HHAT: variants seen among roughly 807,000 people sequenced by gnomAD.
HHAT encodes the protein protein-cysteine N-palmitoyltransferase HHAT.
In HHAT, 47 loss-of-function variants were observed where a neutral mutation model predicts 70.8. That is an observed-to-expected ratio of 0.66 (90% confidence interval 0.53 to 0.85). HHAT has a LOEUF of 0.85. HHAT is among the 40% of genes least tolerant of loss of function. The pLI is 0.00. For missense variants in HHAT, 609 were observed against 604.8 expected (o/e 1.01, Z -0.07); for synonymous variants, 228 against 247.6 (o/e 0.92, Z 0.74).
At chr1:210,668,082 C>T (rs538841791) in intron 11 of HHAT, among the ~76,000 whole-genome samples, 108 of 152,154 alleles carry the variant, frequency 7.1e-4, no homozygotes, top group Non-Finnish European at 8.1e-4. Context: ...CTTTTGTGTC[C>T]GGCTTATTTT....
intron 1 of HHAT, among the ~76,000 whole-genome samples, chr1:210,336,767 A>G (rs1030837530): frequency 6.1e-5 from 9 of 148,174 alleles, no homozygotes; most frequent in African/African-American, 2.4e-4. Context: ...TGGGTGACAG[A>G]GTGAGACCCT....
intron 11 of HHAT, among the ~76,000 whole-genome samples, chr1:210,626,241 C>A (rs575064067): frequency 4.5e-4 from 69 of 152,272 alleles, no homozygotes; most frequent in African/African-American, 1.6e-3. Context: ...TGTGACTTGC[C>A]TGACATCCTA....
At chr1:210,352,539 C>CA (rs975622743) in intron 2 of HHAT, among the ~76,000 whole-genome samples, 1 of 152,122 alleles carries the variant, frequency 6.6e-6, no homozygotes, top group African/African-American at 2.4e-5. Flanking sequence ...ACTAGAGGCT[C>CA]CAAGTGTATT....
At chr1:210,669,507 C>G (rs905635746) in intron 11 of HHAT, among the ~76,000 whole-genome samples, 4 of 152,190 alleles carry the variant, frequency 2.6e-5, no homozygotes, top group African/African-American at 9.7e-5. Flanking sequence ...ATCTATTGTG[C>G]CATACATCCT....
intron 9 of HHAT, among the ~76,000 whole-genome samples, chr1:210,584,616 A>C (rs1660025488): frequency 6.6e-6 from 1 of 152,086 alleles, no homozygotes; most frequent in Admixed American, 6.5e-5. Flanking sequence ...CTTGTCATCC[A>C]ACCCCTCGTT....
At chr1:210,657,425 G>C (rs891061357) in intron 11 of HHAT, among the ~76,000 whole-genome samples, 8 of 152,308 alleles carry the variant, frequency 5.3e-5, no homozygotes, top group African/African-American at 1.7e-4. Flanking sequence ...GAGAACAAAG[G>C]CATCTTTGAC....
At chr1:210,414,920 A>T (rs1199797823) in intron 6 of HHAT, among the ~76,000 whole-genome samples, 1 of 152,164 alleles carries the variant, frequency 6.6e-6, no homozygotes, top group Non-Finnish European at 1.5e-5. Flanking sequence ...TGGGAGGCTA[A>T]GGCACAGAAA....
intron 10 of HHAT, chr1:210,590,499 G>A (rs924984900): frequency 8.9e-6 from 1 of 112,368 alleles, no homozygotes; most frequent in Non-Finnish European, 1.6e-5. Flanking sequence ...TTTGTAGGCT[G>A]AGAAATTCAG....
intron 9 of HHAT, among the ~76,000 whole-genome samples, chr1:210,544,167 G>T (rs1231808090): frequency 6.6e-6 from 1 of 152,142 alleles, no homozygotes; most frequent in Non-Finnish European, 1.5e-5. Context: ...CCCACTGCTG[G>T]TCCTGAGGTG....
intron 7 of HHAT, among the ~76,000 whole-genome samples, chr1:210,442,560 G>A (rs556489614): frequency 0.065 from 9,797 of 151,722 alleles, 415 homozygotes; most frequent in Non-Finnish European, 0.093. Context: ...GTGTGAGATG[G>A]TATCTCATTG....
chr1:210,533,685 C>T lies in HHAT; in HGVS notation c.1043+20497C>T, dbSNP rs146872537. Among the ~76,000 whole-genome samples the T allele has an allele frequency of 2.1e-3, 320 of 152,254 alleles. 2 individuals are homozygous for T. Among genetic ancestry groups the T allele is most frequent in the Middle Eastern group, 3.4e-3 (1 of 294 alleles). On this transcript the variant is annotated intron_variant, in intron 9 of 11. Coordinates refer to ENST00000261458, the MANE Select transcript of HHAT (RefSeq NM_018194.6). ...GTATTTTCAGAGGGAAAAAATCAAG[C>T]TATGTCATCATTGCTTTAAATTGGG...
intron 11 of HHAT, among the ~76,000 whole-genome samples, chr1:210,659,600 C>G (rs11119562): frequency 0.26 from 40,090 of 152,032 alleles, 6,353 homozygotes; most frequent in South Asian, 0.37. Flanking sequence ...TCAAAGCCTG[C>G]CAGAGACACA....
intron 9 of HHAT, among the ~76,000 whole-genome samples, chr1:210,538,317 C>G (rs191131077): frequency 6.6e-6 from 1 of 152,056 alleles, no homozygotes; most frequent in Admixed American, 6.6e-5. Flanking sequence ...AAGAAAGTTT[C>G]CACTGTAATG....
chr1:210,627,103 G>A (rs923095307), intron 11 of HHAT, among the ~76,000 whole-genome samples: 5 of 152,164 alleles, frequency 3.3e-5, no homozygotes, highest in African/African-American at 4.8e-5. Flanking sequence ...TCTGCACCTT[G>A]ATGGGTTGGG....
At chr1:210,569,932 A>G (rs1227248224) in intron 9 of HHAT, among the ~76,000 whole-genome samples, 2 of 152,124 alleles carry the variant, frequency 1.3e-5, no homozygotes, top group African/African-American at 4.8e-5. Context: ...TCTTTATATT[A>G]TCCCTATGCC....
At chr1:210,349,167 A>G (rs2086792571) in intron 2 of HHAT, 101 bp downstream of exon 2, 2 of 1,246,380 alleles carry the variant, frequency 1.6e-6, no homozygotes, top group Non-Finnish European at 2.2e-6. Flanking sequence ...AATAGTGTCA[A>G]GATGATGTGG....
At chr1:210,536,867 G>C (rs2095377784) in intron 9 of HHAT, among the ~76,000 whole-genome samples, 1 of 144,612 alleles carries the variant, frequency 6.9e-6, no homozygotes, top group Non-Finnish European at 1.6e-5. Flanking sequence ...GCCTCTGTCT[G>C]CTAAATGTCA....
chr1:210,449,278 C>CTTTT (rs5780578), intron 7 of HHAT, among the ~76,000 whole-genome samples: 3 of 147,028 alleles, frequency 2.0e-5, no homozygotes, highest in African/African-American at 5.0e-5. Flanking sequence ...TCATCCTCTA[C>CTTTT]TTTTTTTTTT....
intron 7 of HHAT, among the ~76,000 whole-genome samples, chr1:210,453,825 C>T (rs1049995816): frequency 6.6e-6 from 1 of 152,142 alleles, no homozygotes; most frequent in Admixed American, 6.5e-5. Context: ...TTTTACAGAG[C>T]ACTTCTTTTA....
Sources: allele counts gnomAD v4.1 joint callset (sites outside exome capture counted in the v4.1 genomes callset), GRCh38; gene constraint gnomAD v4.1.1; transcripts MANE v1.5; gene names NCBI Gene and HGNC (gene_info 2026-07-23, HGNC 2026-07-21).